Variants in EPM2A observed in about 807,000 individuals in gnomAD.
EPM2A encodes the protein EPM2A glucan phosphatase, laforin, also known as laforin.
In EPM2A, 21 loss-of-function variants were observed where a neutral mutation model predicts 26.5. That is an observed-to-expected ratio of 0.79 (90% CI 0.56 to 1.14). The LOEUF (loss-of-function observed/expected upper bound fraction) is 1.14, where lower values mean the gene tolerates loss of function less well. EPM2A is among the 50% of genes most tolerant of loss of function. The pLI, the probability that EPM2A is intolerant of heterozygous loss-of-function variation, is 0.00. For synonymous variants in EPM2A, 217 were observed against 177.6 expected, an observed-to-expected ratio of 1.22 and a Z score of -1.76; for missense variants, 458 against 440.8, an observed-to-expected ratio of 1.04 and a Z score of -0.35.
At chr6:145,642,106 C>A (rs1777130647) in intron 2 of EPM2A, among the ~76,000 whole-genome samples, 1 of 152,076 alleles carries the variant, frequency 6.6e-6, no homozygotes, top group African/African-American at 2.4e-5. Context: ...AGGCAACTAG[C>A]AAACTTTGCT....
At chr6:145,571,456 T>C (rs1433859378) in intron 2 of EPM2A, among the ~76,000 whole-genome samples, 1 of 152,210 alleles carries the variant, frequency 6.6e-6, no homozygotes. Flanking sequence ...TGATGGTGGA[T>C]AAGGCATTCT....
At chr6:145,392,803 C>T (rs933548470) in intron 4 of EPM2A, among the ~76,000 whole-genome samples, 3 of 152,072 alleles carry the variant, frequency 2.0e-5, no homozygotes, top group Non-Finnish European at 4.4e-5. Context: ...ATAGATCAAC[C>T]ATGAGGGTTT....
intron 2 of EPM2A, among the ~76,000 whole-genome samples, chr6:145,603,924 C>G (rs780286183): frequency 6.6e-5 from 10 of 151,990 alleles, no homozygotes; most frequent in Non-Finnish European, 1.5e-4. Context: ...GAATACTTAC[C>G]AGTAACATGT....
intron 2 of EPM2A, among the ~76,000 whole-genome samples, chr6:145,512,152 T>C (rs989866139): frequency 1.3e-5 from 2 of 152,022 alleles, no homozygotes; most frequent in African/African-American, 2.4e-5. Context: ...CGCTCATGGA[T>C]TGTAAGACTC....
At chr6:145,523,642 C>T (rs1425289884) in intron 2 of EPM2A, among the ~76,000 whole-genome samples, 1 of 152,194 alleles carries the variant, frequency 6.6e-6, no homozygotes, top group African/African-American at 2.4e-5. Context: ...GTTCTCTCAA[C>T]TCCCTCCCTC....
chr6:145,461,564 A>G (rs1582773306), intron 4 of EPM2A, among the ~76,000 whole-genome samples: 2 of 152,288 alleles, frequency 1.3e-5, no homozygotes, highest in East Asian at 3.9e-4. Context: ...CCAATACCAT[A>G]TGTTGTGTAC....
At position 145,626,818 on chromosome 6, in the gene EPM2A, C is replaced by T; in HGVS notation, c.*598G>A. On this transcript the variant is annotated 3_prime_UTR_variant, in exon 4 of 4. Coordinates refer to ENST00000367519, the MANE Select transcript of EPM2A (RefSeq NM_005670.4). ...AGAGATAATTCTACTTTAGTTGTTACACAGGGTTGTTGGGTAGAGAAGGAA... is the reference window on the plus strand; with the variant it reads ...AGAGATAATTCTACTTTAGTTGTTATACAGGGTTGTTGGGTAGAGAAGGAA... 1 of 986,666 alleles carries T rather than the reference C, an allele frequency of 1.0e-6. No homozygotes were observed. Among genetic ancestry groups the T allele is most frequent in the South Asian group, 4.7e-5 (1 of 21,346 alleles). 61.1% of individuals were successfully genotyped at this position (986,666 alleles called of 1,614,324 possible). A position where few individuals can be genotyped will look rare whatever the true frequency, so the allele number is the denominator to read the frequency against.
chr6:145,545,823 A>G (rs1339934387), intron 2 of EPM2A, among the ~76,000 whole-genome samples: 1 of 151,994 alleles, frequency 6.6e-6, no homozygotes, highest in African/African-American at 2.4e-5. Flanking sequence ...CAACTAAGCT[A>G]TTTGCTTATG....
chr6:145,548,614 C>T (rs1173104661), intron 2 of EPM2A, among the ~76,000 whole-genome samples: 1 of 152,208 alleles, frequency 6.6e-6, no homozygotes, highest in South Asian at 2.1e-4. Context: ...ACAAGGTACA[C>T]ATGGTAGCAA....
intron 4 of EPM2A, among the ~76,000 whole-genome samples, chr6:145,473,943 C>A (rs1779508247): frequency 6.6e-6 from 1 of 151,990 alleles, no homozygotes; most frequent in African/African-American, 2.4e-5. Flanking sequence ...AAGAAAAGGA[C>A]ATTAATGGGC....
chr6:145,627,516 T>G lies in EPM2A; in HGVS notation c.896A>C (p.Lys299Thr), dbSNP rs769177120. 6.2e-7 allele frequency: 1 copy of G among 1,614,146 alleles called. No homozygotes were observed. The highest frequency in any genetic ancestry group is 1.3e-5 in the African/African-American group (1 of 74,948). ...LRKVQYFLMA[K>T]RPAVYIDEEA... ...TTCGTCAATGTAGACAGCCGGCCTC[T>G]TGGCCATGAGGAAATACTGCACCTT... Residue 299 changes from lysine to threonine, a missense_variant, in exon 4 of 4, where the codon AAG (lysine) becomes ACG (threonine). Transcript: ENST00000367519.
chr6:145,560,655 C>G (rs1780791654), intron 2 of EPM2A, among the ~76,000 whole-genome samples: 1 of 152,010 alleles, frequency 6.6e-6, no homozygotes, highest in Non-Finnish European at 1.5e-5. Flanking sequence ...CTTTATGAAA[C>G]AATTGTGTGA....
intron 1 of EPM2A, among the ~76,000 whole-genome samples, chr6:145,709,728 T>C (rs1014513117): frequency 2.0e-5 from 3 of 152,236 alleles, no homozygotes; most frequent in East Asian, 1.9e-4. Flanking sequence ...AGAGGAAGGA[T>C]TGAATAGAGA....
chr6:145,646,928 C>T (rs550734178), intron 2 of EPM2A, among the ~76,000 whole-genome samples: 2 of 152,138 alleles, frequency 1.3e-5, no homozygotes, highest in Non-Finnish European at 2.9e-5. Context: ...CAGGAAACAT[C>T]GCTTGTCTTC....
At position 145,735,239 on chromosome 6, in the gene EPM2A, T is replaced by C. The variant is rs777117810; in HGVS notation, c.260A>G (p.Lys87Arg). 7 of 1,539,938 alleles carry C rather than the reference T, an allele frequency of 4.5e-6. No individual in the cohort carries two copies. The South Asian group carries it at 4.8e-5, about 11-fold the overall frequency. Residue 87 changes from lysine to arginine, a missense_variant, in exon 1 of 4, where the codon AAG becomes AGG. Coordinates refer to ENST00000367519, the MANE Select transcript of EPM2A (RefSeq NM_005670.4). ...EPGRVDTFWY[K>R]FLKREPGGEL... The stretch of plus-strand genomic sequence containing the variant: ...TCCTCCCGGCTCCCGCTTCAGGAAC[T>C]TGTACCAGAACGTGTCCACGCGGCC...
intron 4 of EPM2A, among the ~76,000 whole-genome samples, chr6:145,452,489 CAAAAAAAAAAAAAAAAAAAAAAA>C (rs563777945): frequency 4.0e-5 from 3 of 75,864 alleles, no homozygotes; most frequent in Admixed American, 1.9e-4. Flanking sequence ...ACTAAAAATA[CAAAAAAAAAAAAAAAAAAAAAAA>C]AAAAAAAAAA....
At chr6:145,390,956 T>A (rs1778329739) in intron 4 of EPM2A, among the ~76,000 whole-genome samples, 1 of 152,154 alleles carries the variant, frequency 6.6e-6, no homozygotes, top group South Asian at 2.1e-4. Flanking sequence ...TGTTTGTCTT[T>A]GCCCAGAGGA....
At chr6:145,716,700 A>G (rs1299932300) in intron 1 of EPM2A, among the ~76,000 whole-genome samples, 1 of 151,954 alleles carries the variant, frequency 6.6e-6, no homozygotes, top group Admixed American at 6.6e-5. Context: ...CTCTCCCCTC[A>G]TCACCACCAC....
chr6:145,477,215 C>T (rs572309073), intron 4 of EPM2A, among the ~76,000 whole-genome samples: 1 of 151,896 alleles, frequency 6.6e-6, no homozygotes, highest in Admixed American at 6.6e-5. Flanking sequence ...ATGCAACCTA[C>T]CAAGATTGAA....
Sources: allele counts gnomAD v4.1 joint callset (sites outside exome capture counted in the v4.1 genomes callset), GRCh38; gene constraint gnomAD v4.1.1; transcripts MANE v1.5; gene names NCBI Gene and HGNC (gene_info 2026-07-23, HGNC 2026-07-21).